PCDHGB2: variants seen among roughly 807,000 people sequenced by gnomAD.
The protein encoded by PCDHGB2 is protocadherin gamma-B2.
Under a neutral mutation model 59.3 loss-of-function variants are expected in PCDHGB2, and 55 were observed. That is an observed-to-expected ratio of 0.93 (90% confidence interval 0.75 to 1.16). The LOEUF (loss-of-function observed/expected upper bound fraction) is 1.16, where lower values mean the gene tolerates loss of function less well. Ranked by LOEUF, PCDHGB2 falls within the 50% of genes most tolerant of loss-of-function variation. PCDHGB2 has a pLI of 0.00. For missense variants in PCDHGB2, 1,228 were observed against 1,198.5 expected (o/e 1.02, Z -0.36); for synonymous variants, 516 against 512.0 (o/e 1.01, Z -0.11).
chr5:141,372,297 A>G, intron 1 of PCDHGB2: 1 of 1,613,298 alleles, frequency 6.2e-7, no homozygotes, highest in South Asian at 1.1e-5. Context: ...CTTGGGCGAC[A>G]GGGAGGCCGC....
intron 1 of PCDHGB2, chr5:141,409,553 G>T: frequency 6.2e-7 from 1 of 1,613,972 alleles, no homozygotes; most frequent in Non-Finnish European, 8.5e-7. Context: ...CAACGCCCCA[G>T]TTTTCGACCA....
intron 1 of PCDHGB2, chr5:141,366,169 G>A (rs1281971399): frequency 6.2e-7 from 1 of 1,613,962 alleles, no homozygotes; most frequent in Non-Finnish European, 8.5e-7. Flanking sequence ...AGGCCAGCGA[G>A]CCAGGACTCT....
chr5:141,509,081 A>C (rs1279221589), intron 3 of PCDHGB2, among the ~76,000 whole-genome samples: 2 of 152,160 alleles, frequency 1.3e-5, no homozygotes, highest in Non-Finnish European at 2.9e-5. Flanking sequence ...GATTTGCGAC[A>C]TGAAATGGGG....
At chr5:141,498,971 G>A (rs866066098) in intron 2 of PCDHGB2, among the ~76,000 whole-genome samples, 16 of 111,052 alleles carry the variant, frequency 1.4e-4, no homozygotes, top group African/African-American at 2.5e-4. Context: ...GAGGGAGGGA[G>A]GGAAGGAAGG....
chr5:141,433,582 T>TCCCA (rs758953161), intron 1 of PCDHGB2, among the ~76,000 whole-genome samples: 4 of 151,942 alleles, frequency 2.6e-5, no homozygotes, highest in Non-Finnish European at 5.9e-5. Flanking sequence ...ACGCCTGTAA[T>TCCCA]CCCAGTACTT....
At chr5:141,474,745 C>T (rs935430941) in intron 1 of PCDHGB2, among the ~76,000 whole-genome samples, 2 of 152,174 alleles carry the variant, frequency 1.3e-5, no homozygotes, top group East Asian at 3.9e-4. Context: ...AAGTGATGTC[C>T]AAGACAAATA....
chr5:141,471,635 A>G (rs1477641248), intron 1 of PCDHGB2: 1 of 152,224 alleles, frequency 6.6e-6, no homozygotes, highest in Non-Finnish European at 1.5e-5. Context: ...GGTATGGATT[A>G]GTAATATACT....
rs1006751011 is a variant in PCDHGB2, at chr5:141,431,033, C to T, written c.2422-63774C>T. ...CTTGGTCACGGCGGGCAGGATAGAC[C>T]GGGAGGAGCTCTGTATGGGGGCCAT... On this transcript the variant is annotated intron_variant, in intron 1 of 3. Coordinates refer to ENST00000522605, the MANE Select transcript of PCDHGB2 (RefSeq NM_018923.3). This position sits in a 1 kb window ranked among gnomAD's most constrained non-coding sequence, Gnocchi z 4.8. 1.2e-6 allele frequency: 2 copies of T among 1,613,864 alleles called. No homozygotes were observed. The highest frequency in any genetic ancestry group is 1.3e-5 in the African/African-American group (1 of 74,924).
rs10040701 is a variant in PCDHGB2 at position 141,508,490 on chromosome 5, A to G, written c.2570-2457A>G. ...TCTTTCTTTTACATTCTGGATTTCC[A>G]TATCTTCTCTCCCTCCTGGTCCAGC... On this transcript the variant is annotated intron_variant, in intron 3 of 3. Transcript: ENST00000522605. Among the ~76,000 whole-genome samples, 377 of 152,202 alleles carry G rather than the reference A, an allele frequency of 2.5e-3. 1 individual carries two copies. The highest frequency in any genetic ancestry group is 8.6e-3 in the African/African-American group (358 of 41,530).
intron 1 of PCDHGB2, among the ~76,000 whole-genome samples, chr5:141,492,670 C>T (rs567661944): frequency 6.6e-6 from 1 of 152,344 alleles, no homozygotes; most frequent in South Asian, 2.1e-4. Context: ...CCCGGGACTC[C>T]GTCTCAAGGG....
intron 1 of PCDHGB2, chr5:141,364,740 A>T: frequency 6.2e-7 from 1 of 1,613,970 alleles, no homozygotes; most frequent in Middle Eastern, 1.6e-4. Flanking sequence ...CGGGATGAAG[A>T]GTTAAAAGTA....
chr5:141,511,048 C>G lies in PCDHGB2; in HGVS notation c.2671C>G (p.Arg891Gly). The G allele has an allele frequency of 6.2e-7, 1 of 1,614,224 alleles. No homozygotes were observed. Among genetic ancestry groups the G allele is most frequent in the Non-Finnish European group, 8.5e-7 (1 of 1,180,028 alleles). ...QFTLQHVPDYRQNVYIPGSNA... is the reference protein window; with the variant it reads ...QFTLQHVPDYGQNVYIPGSNA... ...CACCCTGCAGCACGTGCCCGACTAC[C>G]GCCAGAATGTCTACATCCCAGGCAG... Residue 891 changes from arginine (R) to glycine (G), a missense_variant, in exon 4 of 4, where the codon CGC becomes GGC. Arg to Gly is a moderately radical substitution (Grantham distance 125, BLOSUM62 -2). Transcript: ENST00000522605.
At position 141,380,161 on chromosome 5, in the gene PCDHGB2, A is replaced by G. The variant is rs552815003; in HGVS notation, c.2421+17605A>G. Among the ~76,000 whole-genome samples, 14 of 152,240 alleles carry G rather than the reference A, an allele frequency of 9.2e-5. No individual in the cohort carries two copies. In the South Asian group the frequency reaches 1.5e-3, roughly 16 times the overall value. On this transcript the variant is annotated intron_variant, in intron 1 of 3. Transcript: ENST00000522605. The stretch of plus-strand genomic sequence containing the variant: ...GTGATCCACCCGCCTCAGCCTCTCA[A>G]AGGGCTGGGATTACAGGCATGAGCC...
In PCDHGB2 at chr5:141,474,958, C is replaced by T. The variant is rs114469479; in HGVS notation, c.2422-19849C>T. On this transcript the variant is annotated intron_variant, in intron 1 of 3. Transcript: ENST00000522605. ...CACAGTGGACTCTTTTATTCACTAT[C>T]CTAATCATTATAATTTTGTTTGGTG... is the stretch of plus-strand genomic sequence containing the variant. Among the ~76,000 whole-genome samples the T allele has an allele frequency of 4.4e-3, 666 of 152,340 alleles. 6 individuals are homozygous for T. The highest frequency in any genetic ancestry group is 0.015 in the African/African-American group (634 of 41,572).
intron 1 of PCDHGB2, chr5:141,423,454 G>C (rs1323921797): frequency 1.9e-6 from 3 of 1,614,030 alleles, no homozygotes; most frequent in Non-Finnish European, 2.5e-6. Context: ...ACATTTTGTA[G>C]GCGTGGACGG....
rs1491285973 is a variant in PCDHGB2, at chr5:141,415,739, GGT to G, written c.2421+53184_2421+53185del. 5.5e-5 allele frequency: 24 copies of G among 435,136 alleles called. No individual in the cohort carries two copies. The African/African-American group carries it at 7.2e-4, about 13-fold the overall frequency. 27.0% of individuals were successfully genotyped at this position (435,136 alleles called of 1,614,324 possible). A position where few individuals can be genotyped will look rare whatever the true frequency, so the allele number is the denominator to read the frequency against. On this transcript the variant is annotated intron_variant, in intron 1 of 3. Transcript: ENST00000522605. Reference sequence around the variant, plus strand: ...ATGAGTAGAATTTGATGTTTATTAAGGTTTTTTTTTTTTTTTTTTTTTTTTTT... The same window carrying G: ...ATGAGTAGAATTTGATGTTTATTAAGTTTTTTTTTTTTTTTTTTTTTTTTT...
At chr5:141,371,932 TG>T (rs1268806943) in intron 1 of PCDHGB2, 1 of 1,612,998 alleles carries the variant, frequency 6.2e-7, no homozygotes, top group South Asian at 1.1e-5. Context: ...CGGAGCGGGG[TG>T]GTGTTCGCGC....
At chr5:141,468,701 C>A (rs1186497330) in intron 1 of PCDHGB2, 2 of 151,628 alleles carry the variant, frequency 1.3e-5, no homozygotes, top group African/African-American at 2.4e-5. Flanking sequence ...CCCGTCTCTA[C>A]TAAAAATATA....
chr5:141,500,258 G>A lies in PCDHGB2; in HGVS notation c.2481-5135G>A, dbSNP rs2099798463. On this transcript the variant is annotated intron_variant, in intron 2 of 3. Coordinates refer to ENST00000522605, the MANE Select transcript of PCDHGB2 (RefSeq NM_018923.3). ...TAGCCTTGCTCTGTCACCCAGGCTG[G>A]ACTGCAGTGGCGCAATCTCGGCTCA... Among the ~76,000 whole-genome samples the A allele has an allele frequency of 2.0e-5, 3 of 150,738 alleles. No homozygotes were observed. In the South Asian group the frequency reaches 6.3e-4, roughly 32 times the overall value.
Sources: gnomAD v4.1 joint callset for allele counts (sites outside exome capture counted in the v4.1 genomes callset) on GRCh38, gnomAD v4.1.1 for gene constraint, Gnocchi (gnomAD v3.1) non-coding constraint, MANE v1.5 for transcripts, NCBI Gene and HGNC (gene_info 2026-07-23, HGNC 2026-07-21) for gene names.